Variants in CACHD1 observed in about 807,000 individuals in gnomAD.
The protein encoded by CACHD1 is VWFA and cache domain-containing protein 1.
Under a neutral mutation model 138.7 loss-of-function variants are expected in CACHD1, and 71 were observed. The ratio of observed to expected loss-of-function variants is 0.51; its 90% CI spans 0.42 to 0.62. The LOEUF is 0.62. CACHD1 is among the 20% of genes least tolerant of loss of function. The probability of loss-of-function intolerance (pLI) is 0.00; values close to 1 mark genes in which losing one functional copy is unlikely to be tolerated. For synonymous variants in CACHD1, 578 were observed against 591.5 expected, an observed-to-expected ratio of 0.98 and a Z score of 0.33; for missense variants, 1,389 against 1,625.3, an observed-to-expected ratio of 0.85 and a Z score of 2.50.
At chr1:64,677,233 A>G (rs1650028602) in intron 22 of CACHD1, among the ~76,000 whole-genome samples, 2 of 152,274 alleles carry the variant, frequency 1.3e-5, no homozygotes, top group African/African-American at 4.8e-5. Context: ...TTCTTGAAAT[A>G]AAAGACTTGT....
intron 3 of CACHD1, among the ~76,000 whole-genome samples, chr1:64,582,691 T>C (rs1263839530): frequency 1.3e-5 from 2 of 152,160 alleles, no homozygotes. Flanking sequence ...AAAATTCCCA[T>C]TCCTTACTTT....
chr1:64,546,756 A>T (rs1046136256), intron 1 of CACHD1, among the ~76,000 whole-genome samples: 1 of 152,160 alleles, frequency 6.6e-6, no homozygotes, highest in African/African-American at 2.4e-5. Flanking sequence ...ATCATTTTGA[A>T]TTCCTGGCTC....
chr1:64,487,548 C>G (rs1026399252), intron 1 of CACHD1, among the ~76,000 whole-genome samples: 5 of 152,142 alleles, frequency 3.3e-5, no homozygotes, highest in African/African-American at 4.8e-5. Flanking sequence ...ACAATTATCA[C>G]TGTTACCATT....
At chr1:64,681,891 G>A in intron 25 of CACHD1, 114 bp from the exon 26 acceptor site, 1 of 883,872 alleles carries the variant, frequency 1.1e-6, no homozygotes, top group South Asian at 1.5e-5. Context: ...ATTTATTCTG[G>A]CTTTCCAAAG....
rs114776069 is a variant in CACHD1, at chr1:64,474,708, G to C, written c.198+3766G>C. On this transcript the variant is annotated intron_variant, in intron 1 of 26. Coordinates refer to ENST00000651257, the MANE Select transcript of CACHD1 (RefSeq NM_020925.4). ...ACCAGCTAAGTAACAATGCCTGCTT[G>C]TTAGAAGGCATATCTGGCTCTGGGA... Among the ~76,000 whole-genome samples the C allele has an allele frequency of 7.8e-3, 1,193 of 152,386 alleles. 16 individuals are homozygous for C. The highest frequency in any genetic ancestry group is 0.027 in the African/African-American group (1,134 of 41,592).
At chr1:64,543,855 C>A (rs1344116446) in intron 1 of CACHD1, among the ~76,000 whole-genome samples, 1 of 131,124 alleles carries the variant, frequency 7.6e-6, no homozygotes, top group Admixed American at 8.3e-5. Context: ...TCATTAATTA[C>A]CTTTTCAGTG....
intron 1 of CACHD1, among the ~76,000 whole-genome samples, chr1:64,473,135 G>A (rs985310647): frequency 1.3e-5 from 2 of 152,090 alleles, no homozygotes; most frequent in Non-Finnish European, 2.9e-5. Context: ...CAACCTCATT[G>A]TGGAAACGGA....
Position 64,681,269 on chromosome 1 carries a change from C to T in CACHD1, c.3418C>T (p.Arg1140Cys), listed in dbSNP as rs200240221. Reference protein sequence around the residue: ...SPLAAQEMSVRMSNLENDRDE... With the variant: ...SPLAAQEMSVCMSNLENDRDE... ...TTAATGATGGGTAGAAATGTCAGTGCGTATGTCCAACCTGGAGAATGACAG... is the reference window on the plus strand; with the variant it reads ...TTAATGATGGGTAGAAATGTCAGTGTGTATGTCCAACCTGGAGAATGACAG... The change falls in exon 25 of 27, where the codon CGT becomes TGT. Residue 1140 changes from arginine (R) to cysteine (C), a missense_variant. Around this residue, in one of 5 missense-constraint regions of CACHD1, gnomAD observed 250 missense variants for 292.9 expected, o/e 0.85. Coordinates refer to ENST00000651257, the MANE Select transcript of CACHD1 (RefSeq NM_020925.4). The T allele has an allele frequency of 2.5e-6, 4 of 1,612,984 alleles. No individual in the cohort carries two copies. Among genetic ancestry groups the T allele is most frequent in the South Asian group, 2.2e-5 (2 of 91,034 alleles).
intron 17 of CACHD1, among the ~76,000 whole-genome samples, chr1:64,672,239 G>A (rs138412742): frequency 2.6e-5 from 4 of 152,100 alleles, no homozygotes; most frequent in East Asian, 1.9e-4. Flanking sequence ...TTCATGCTTC[G>A]TGTCATTGGC....
chr1:64,614,883 C>T (rs1460599878), intron 4 of CACHD1, among the ~76,000 whole-genome samples: 3 of 152,120 alleles, frequency 2.0e-5, no homozygotes, highest in Non-Finnish European at 4.4e-5. Context: ...TGCTTCTCTT[C>T]CCTCTTTTTC....
At position 64,663,833 on chromosome 1, in the gene CACHD1, T is replaced by G; in HGVS notation, c.2090T>G (p.Leu697Arg). ...DNTRLIANPG[L>R]KFSVRNEVMA... is the part of the protein sequence containing the mutation. ...ACCCGCCTCATTGCTAACCCGGGCCTCAAAGTAAGCATTGGCGCAGAGCTC... is the reference window on the plus strand; with the variant it reads ...ACCCGCCTCATTGCTAACCCGGGCCGCAAAGTAAGCATTGGCGCAGAGCTC... The change falls in exon 14 of 27, where the codon CTC becomes CGC. Residue 697 changes from leucine to arginine, a missense_variant. Coordinates refer to ENST00000651257, the MANE Select transcript of CACHD1 (RefSeq NM_020925.4). 1 of 1,614,090 alleles carries G rather than the reference T, an allele frequency of 6.2e-7. No homozygotes were observed. Among genetic ancestry groups the G allele is most frequent in the Non-Finnish European group, 8.5e-7 (1 of 1,179,990 alleles).
At chr1:64,614,947 A>G (rs903007038) in intron 4 of CACHD1, among the ~76,000 whole-genome samples, 1 of 152,090 alleles carries the variant, frequency 6.6e-6, no homozygotes, top group Admixed American at 6.6e-5. Flanking sequence ...CTGTAACTGC[A>G]TTTCTCAAAA....
intron 2 of CACHD1, among the ~76,000 whole-genome samples, chr1:64,577,162 T>C (rs1393494527): frequency 6.6e-6 from 1 of 152,062 alleles, no homozygotes; most frequent in Non-Finnish European, 1.5e-5. Flanking sequence ...CCCAGACTGG[T>C]CTTGAACTCT....
At chr1:64,681,544 T>TTTTTTTG (rs751369042) in intron 25 of CACHD1, among the ~76,000 whole-genome samples, 47 of 110,612 alleles carry the variant, frequency 4.2e-4, no homozygotes, top group East Asian at 3.3e-3. Context: ...TTATTGTGTT[T>TTTTTTTG]TTTTTTTTTT....
intron 1 of CACHD1, among the ~76,000 whole-genome samples, chr1:64,540,258 T>C (rs1646667327): frequency 6.6e-6 from 1 of 151,994 alleles, no homozygotes; most frequent in Non-Finnish European, 1.5e-5. Flanking sequence ...GGCCGCTAAA[T>C]ACCTCCTTTT....
At chr1:64,505,053 C>G (rs1208609871) in intron 1 of CACHD1, among the ~76,000 whole-genome samples, 2 of 152,154 alleles carry the variant, frequency 1.3e-5, no homozygotes, top group Admixed American at 1.3e-4. Context: ...TTCTTCCTCA[C>G]CCAGAAGAAC....
At position 64,636,519 on chromosome 1, in the gene CACHD1, GT is replaced by G; in HGVS notation, c.1006+2262del. ...TCAGAGTCCTAAGGTTCATGCTAAG[GT>G]TTGTTCATGCTAAGGTTCATTCATG... On this transcript the variant is annotated intron_variant, in intron 7 of 26. Coordinates refer to ENST00000651257, the MANE Select transcript of CACHD1 (RefSeq NM_020925.4). 2.0e-5 allele frequency among the ~76,000 whole-genome samples: 3 copies of G among 152,236 alleles called. No homozygotes were observed. In the South Asian group the frequency reaches 6.2e-4, roughly 32 times the overall value.
chr1:64,682,313 A>G (rs1051173299), intron 26 of CACHD1, among the ~76,000 whole-genome samples: 2 of 152,126 alleles, frequency 1.3e-5, no homozygotes, highest in African/African-American at 4.8e-5. Context: ...ATACAGAAGG[A>G]TTCATATTGT....
chr1:64,500,734 AAGAGAGAG>A (rs5774705), intron 1 of CACHD1, among the ~76,000 whole-genome samples: 3,687 of 26,422 alleles, frequency 0.14, 175 homozygotes, highest in South Asian at 0.3. Flanking sequence ...AAAAAAAAAA[AAGAGAGAG>A]AGAGAGAGAG....
Sources: gnomAD v4.1 joint callset for allele counts (sites outside exome capture counted in the v4.1 genomes callset) on GRCh38, gnomAD v4.1.1 for gene constraint, gnomAD v4.1.1 regional missense constraint, MANE v1.5 for transcripts, NCBI Gene and HGNC (gene_info 2026-07-23, HGNC 2026-07-21) for gene names.